LRP6: variants seen among roughly 807,000 people sequenced by gnomAD.
LRP6 encodes LDL receptor related protein 6, also known as low-density lipoprotein receptor-related protein 6.
A neutral mutation model predicts 184.1 loss-of-function variants in LRP6; 43 were observed. That is an observed-to-expected ratio of 0.23 (90% CI 0.18 to 0.30). LRP6 has a LOEUF of 0.30. LRP6 is among the 10% of genes least tolerant of loss of function. LRP6 has a pLI of 1.00. For synonymous variants in LRP6, 719 were observed against 684.9 expected (o/e 1.05, Z -0.78); for missense variants, 1,571 against 2,005.3 (o/e 0.78, Z 4.14).
At chr12:12,248,911 T>C in intron 1 of LRP6, 1 of 374,898 alleles carries the variant, frequency 2.7e-6, no homozygotes. Context: ...ACTTCCTATA[T>C]ATAGGTATCC....
chr12:12,127,312 C>T (rs1038836770), intron 19 of LRP6, among the ~76,000 whole-genome samples: 2 of 152,098 alleles, frequency 1.3e-5, no homozygotes, highest in African/African-American at 4.8e-5. Context: ...TCCAAGATTT[C>T]GGGAAAAAAT....
chr12:12,128,242 T>C (rs1314032250), intron 19 of LRP6, among the ~76,000 whole-genome samples: 3 of 152,232 alleles, frequency 2.0e-5, no homozygotes, highest in African/African-American at 7.2e-5. Context: ...AAAAAAAGTC[T>C]GATCAATATT....
chr12:12,145,845 T>C (rs1949999824), intron 15 of LRP6, among the ~76,000 whole-genome samples: 1 of 151,954 alleles, frequency 6.6e-6, no homozygotes. Context: ...TTGGCCAGGC[T>C]GGTCTCAAAC....
chr12:12,177,068 G>A (rs995990190), intron 7 of LRP6, among the ~76,000 whole-genome samples: 2 of 151,828 alleles, frequency 1.3e-5, no homozygotes, highest in African/African-American at 2.4e-5. Context: ...GGCTGGTCTC[G>A]AACTCCTGAC....
At chr12:12,257,920 T>C (rs1482523760) in intron 1 of LRP6, among the ~76,000 whole-genome samples, 1 of 146,350 alleles carries the variant, frequency 6.8e-6, no homozygotes, top group African/African-American at 2.5e-5. Flanking sequence ...TGAGCCATGA[T>C]AGCATCACAC....
At chr12:12,193,527 C>G (rs1453379179) in intron 3 of LRP6, among the ~76,000 whole-genome samples, 1 of 151,096 alleles carries the variant, frequency 6.6e-6, no homozygotes, top group African/African-American at 2.4e-5. Flanking sequence ...ATTGTGAAAA[C>G]TGTGAATAAA....
chr12:12,217,077 C>A (rs1337255237), intron 2 of LRP6, among the ~76,000 whole-genome samples: 2 of 152,162 alleles, frequency 1.3e-5, no homozygotes, highest in Non-Finnish European at 2.9e-5. Context: ...AAGCCAGAGA[C>A]CACTACCAGT....
Position 12,135,155 on chromosome 12 carries a change from G to GA in LRP6, c.3733+19dup. ...TATGTTTGCATTTAGGGTTGCACAA[G>GA]AAAATTACAACATATTTACCTCCAC... On this transcript the variant is annotated intron_variant, in intron 17 of 22. Transcript: ENST00000261349. 1 of 1,613,726 alleles carries GA rather than the reference G, an allele frequency of 6.2e-7. No homozygotes were observed. Among genetic ancestry groups the GA allele is most frequent in the South Asian group, 1.1e-5 (1 of 91,070 alleles).
At chr12:12,209,274 C>G (rs1864145134) in intron 2 of LRP6, among the ~76,000 whole-genome samples, 1 of 152,168 alleles carries the variant, frequency 6.6e-6, no homozygotes, top group African/African-American at 2.4e-5. Flanking sequence ...CTTTGTAACT[C>G]AGTGTCTAGT....
intron 7 of LRP6, among the ~76,000 whole-genome samples, chr12:12,167,332 G>T (rs1368109322): frequency 2.6e-5 from 4 of 152,068 alleles, no homozygotes; most frequent in African/African-American, 9.7e-5. Flanking sequence ...GTACCTTTAA[G>T]CAAGTCTCAC....
In LRP6 at chr12:12,217,376, C is replaced by G. The variant is rs185582333; in HGVS notation, c.450-13976G>C. Among the ~76,000 whole-genome samples, 368 of 152,124 alleles carry G rather than the reference C, an allele frequency of 2.4e-3. 3 individuals are homozygous for G. Among genetic ancestry groups the G allele is most frequent in the Non-Finnish European group, 3.9e-3 (268 of 68,014 alleles). On this transcript the variant is annotated intron_variant, in intron 2 of 22. Transcript: ENST00000261349. ...ACCATCTAGTTGCAGGAAAAAAACTCAGGGCTCCTACTGATTCTACATTAT... is the reference window on the plus strand; with the variant it reads ...ACCATCTAGTTGCAGGAAAAAAACTGAGGGCTCCTACTGATTCTACATTAT...
chr12:12,139,705 G>A (rs531303158), intron 15 of LRP6, among the ~76,000 whole-genome samples: 4 of 152,034 alleles, frequency 2.6e-5, no homozygotes, highest in Admixed American at 1.3e-4. Flanking sequence ...GGGTGACAGA[G>A]TGAGACCCTG....
rs547835700 is a variant in LRP6 at position 12,117,615 on chromosome 12, G to A, written c.*3511C>T. 5.9e-5 allele frequency: 9 copies of A among 152,312 alleles called. No homozygotes were observed. In the South Asian group the frequency reaches 1.5e-3, roughly 25 times the overall value. The allele number at this position is 152,312 out of a possible 1,614,324, so 9.4% of individuals were successfully genotyped here. A position where few individuals can be genotyped will look rare whatever the true frequency, so the allele number is the denominator to read the frequency against. On this transcript the variant is annotated 3_prime_UTR_variant, in exon 23 of 23. Coordinates refer to ENST00000261349, the MANE Select transcript of LRP6 (RefSeq NM_002336.3). ...GCCTGTTTACTGCATAGAAGTAGGC[G>A]TGCTTAACGCATACCTCTTCAGTCT... is the stretch of plus-strand genomic sequence containing the variant.
At chr12:12,203,153 A>T (rs764126883) in intron 3 of LRP6, 50 bp downstream of exon 3, 3 of 1,334,468 alleles carry the variant, frequency 2.2e-6, no homozygotes, top group Non-Finnish European at 3.1e-6. Flanking sequence ...TAATGTATCA[A>T]GGCTTCATCG....
chr12:12,172,935 C>T (rs1863083039), intron 7 of LRP6, among the ~76,000 whole-genome samples: 2 of 152,130 alleles, frequency 1.3e-5, no homozygotes, highest in Admixed American at 1.3e-4. Flanking sequence ...CTTCAAGATA[C>T]ATTAAGTCTG....
chr12:12,132,701 AT>A (rs1157798740), intron 17 of LRP6, among the ~76,000 whole-genome samples: 1 of 152,246 alleles, frequency 6.6e-6, no homozygotes, highest in African/African-American at 2.4e-5. Context: ...TAAGAATGTT[AT>A]TGATGAATCA....
intron 1 of LRP6, among the ~76,000 whole-genome samples, chr12:12,254,137 C>T (rs1476424763): frequency 1.3e-5 from 1 of 75,452 alleles, no homozygotes; most frequent in Non-Finnish European, 2.4e-5. Flanking sequence ...GAGTGAGACT[C>T]TGTCTCAAAA....
chr12:12,135,346 GGGGAGAGAAGT>G (rs200834502), intron 16 of LRP6, 46 bp from the exon 17 acceptor site: 3 of 1,387,426 alleles, frequency 2.2e-6, no homozygotes, highest in East Asian at 2.3e-5. Context: ...GGGAGTGGAG[GGGGAGAGAAGT>G]GGGAGAGAAG....
At chr12:12,237,119 C>T (rs966426579) in intron 2 of LRP6, among the ~76,000 whole-genome samples, 1 of 152,114 alleles carries the variant, frequency 6.6e-6, no homozygotes, top group Non-Finnish European at 1.5e-5. Context: ...CCAGGAAATT[C>T]CAAGGGATTA....
Sources: gnomAD v4.1 joint callset for allele counts (sites outside exome capture counted in the v4.1 genomes callset) on GRCh38, gnomAD v4.1.1 for gene constraint, MANE v1.5 for transcripts, NCBI Gene and HGNC (gene_info 2026-07-23, HGNC 2026-07-21) for gene names.